The following MEGF8 variants were observed in gnomAD, a reference collection of about 807,000 sequenced individuals.
MEGF8 encodes the protein multiple EGF like domains 8.
Under a neutral mutation model 302.9 loss-of-function variants are expected in MEGF8, and 156 were observed. That is an observed-to-expected ratio of 0.52 (90% CI 0.45 to 0.59). The LOEUF is 0.59. MEGF8 is among the 20% of genes least tolerant of loss of function. MEGF8 has a pLI of 0.00. For synonymous variants in MEGF8, 1,621 were observed against 1,660.5 expected (o/e 0.98, Z 0.58); for missense variants, 3,345 against 3,964.5 (o/e 0.84, Z 4.20).
chr19:42,358,186 CCCT>C lies in MEGF8; in HGVS notation c.5056_5058del (p.Leu1686del). 1 of 1,601,902 alleles carries C rather than the reference CCCT, an allele frequency of 6.2e-7. No homozygotes were observed. Among genetic ancestry groups the C allele is most frequent in the Non-Finnish European group, 8.5e-7 (1 of 1,174,764 alleles). On this transcript the variant is annotated inframe_deletion, in exon 29 of 42. Transcript: ENST00000251268. The surrounding 1 kb of genome is among the most constrained non-coding windows in gnomAD (Gnocchi z 4.4). ...GCTGTCTACCACGAGGCCACCGACT[CCCT>C]CTACGTGTTTGGGGGGTTCCGATTC...
At chr19:42,327,881 A>G (rs1294291138) in intron 1 of MEGF8, among the ~76,000 whole-genome samples, 2 of 152,176 alleles carry the variant, frequency 1.3e-5, no homozygotes, top group Non-Finnish European at 2.9e-5. Flanking sequence ...GATCGCCTGA[A>G]GTCAGGAGTT....
At chr19:42,367,290 CT>C (rs535905629) in intron 35 of MEGF8, among the ~76,000 whole-genome samples, 1,917 of 140,094 alleles carry the variant, frequency 0.014, 28 homozygotes, top group African/African-American at 0.04. Context: ...TTCTTTCTTT[CT>C]TTTTTTTTTT....
rs139192223 is a variant in MEGF8, at chr19:42,375,804, A to G, written c.7567A>G (p.Thr2523Ala). 1,527 of 1,612,540 alleles carry G rather than the reference A, an allele frequency of 9.5e-4. 2 individuals carry two copies. Among genetic ancestry groups the G allele is most frequent in the Middle Eastern group, 2.8e-3 (17 of 6,044 alleles). ...VRVAPDTGVH[T>A]VHIQPPPAPP... is the part of the protein sequence containing the mutation. ...TGTGGCCCCTGACACTGGCGTCCAT[A>G]CTGTACACATCCAGCCACCCCCAGC... Residue 2523 changes from threonine (T) to alanine (A), a missense_variant, in exon 42 of 42, where the codon ACT (threonine) becomes GCT (alanine). Thr to Ala is a moderately conservative substitution (Grantham distance 58). Coordinates refer to ENST00000251268, the MANE Select transcript of MEGF8 (RefSeq NM_001271938.2). The surrounding 1 kb of genome is among the most constrained non-coding windows in gnomAD (Gnocchi z 7.1).
chr19:42,349,778 A>G (rs1600043950), intron 14 of MEGF8, 79 bp downstream of exon 14: 3 of 1,439,214 alleles, frequency 2.1e-6, no homozygotes, highest in Non-Finnish European at 2.9e-6. Flanking sequence ...ACCCCAGGCC[A>G]CAAACTCTGA....
chr19:42,345,644 A>C (rs1482859008), intron 12 of MEGF8, among the ~76,000 whole-genome samples: 4 of 152,258 alleles, frequency 2.6e-5, no homozygotes. Context: ...TTTATGGTTG[A>C]GTAATATTCC....
chr19:42,359,154 T>TG lies in MEGF8; in HGVS notation c.5406dup (p.Arg1803AlafsTer5), dbSNP rs1189706664. The stretch of plus-strand genomic sequence containing the variant: ...TGTTAGGGGACACCATGGTGGTTCT[T>TG]GGGGGGCGCTCGGACCCTGACGAGT... On this transcript the variant is annotated frameshift_variant, in exon 31 of 42. Coordinates refer to ENST00000251268, the MANE Select transcript of MEGF8 (RefSeq NM_001271938.2). LOFTEE classifies it high-confidence loss of function. 1 of 1,597,626 alleles carries TG rather than the reference T, an allele frequency of 6.3e-7. No homozygotes were observed. Among genetic ancestry groups the TG allele is most frequent in the Admixed American group, 1.7e-5 (1 of 57,586 alleles).
Position 42,360,870 on chromosome 19 carries a change from G to A in MEGF8, c.5584G>A (p.Val1862Met), listed in dbSNP as rs772349120. ...RLYISGGFGGVALGRLLALTL... is the reference protein window; with the variant it reads ...RLYISGGFGGMALGRLLALTL... ...GTATATCTCTGGGGGTTTCGGGGGA[G>A]TGGCCCTGGGCCGCCTGCTGGCACT... is the stretch of plus-strand genomic sequence containing the variant. Residue 1862 changes from valine (V) to methionine (M), a missense_variant, in exon 32 of 42, where the codon GTG (valine) becomes ATG (methionine). Coordinates refer to ENST00000251268, the MANE Select transcript of MEGF8 (RefSeq NM_001271938.2). 39 of 1,613,428 alleles carry A rather than the reference G, an allele frequency of 2.4e-5. No individual in the cohort carries two copies. In the Admixed American group the frequency reaches 6.5e-4, roughly 27 times the overall value.
intron 1 of MEGF8, among the ~76,000 whole-genome samples, chr19:42,329,636 A>G (rs891145721): frequency 6.6e-6 from 1 of 152,174 alleles, no homozygotes; most frequent in African/African-American, 2.4e-5. Context: ...CTGAGATGCA[A>G]GGATTACTCG....
intron 15 of MEGF8, among the ~76,000 whole-genome samples, chr19:42,350,737 C>T (rs1461986910): frequency 6.6e-6 from 1 of 152,294 alleles, no homozygotes; most frequent in African/African-American, 2.4e-5. Flanking sequence ...GGGTTTGTTT[C>T]CTTGTGAGTG....
In MEGF8 at chr19:42,358,767, G is replaced by A. The variant is rs1359175741; in HGVS notation, c.5176-20G>A. ...GAGACTCGAGGAGCCTCAACCCCAG[G>A]ACGCCCCCACTGTCACTAGCGAGAT... On this transcript the variant is annotated intron_variant, in intron 29 of 41. Coordinates refer to ENST00000251268, the MANE Select transcript of MEGF8 (RefSeq NM_001271938.2). This position sits in a 1 kb window ranked among gnomAD's most constrained non-coding sequence, Gnocchi z 4.4. The A allele has an allele frequency of 1.3e-6, 2 of 1,504,694 alleles. No homozygotes were observed. The highest frequency in any genetic ancestry group is 2.3e-5 in the East Asian group (1 of 42,770). 93.2% of individuals were successfully genotyped at this position (1,504,694 alleles called of 1,614,324 possible).
chr19:42,344,002 C>G lies in MEGF8; in HGVS notation c.1717C>G (p.Arg573Gly). 6.2e-7 allele frequency: 1 copy of G among 1,613,778 alleles called. No individual in the cohort carries two copies. Among genetic ancestry groups the G allele is most frequent in the Non-Finnish European group, 8.5e-7 (1 of 1,179,780 alleles). ...SMYTDHSVCS[R>G]DPECSWCQGA... ...GTACACAGACCACAGCGTCTGCTCC[C>G]GGGACCCGGAATGCAGTTGGTGCCA... Residue 573 changes from arginine (R) to glycine (G), a missense_variant, in exon 10 of 42, where the codon CGG becomes GGG. Coordinates refer to ENST00000251268, the MANE Select transcript of MEGF8 (RefSeq NM_001271938.2). This position sits in a 1 kb window ranked among gnomAD's most constrained non-coding sequence, Gnocchi z 4.5.
chr19:42,351,416 C>T lies in MEGF8; in HGVS notation c.2856-13C>T. On this transcript the variant is annotated splice_polypyrimidine_tract_variant and intron_variant, in intron 16 of 41. Transcript: ENST00000251268. The surrounding 1 kb of genome is among the most constrained non-coding windows in gnomAD (Gnocchi z 5.6). ...GGCTGTGGAGTGACCTGGCCCCCTG[C>T]TCCCCACCCCAGGCGACTGACCTGT... 6.3e-7 allele frequency: 1 copy of T among 1,588,138 alleles called. No individual in the cohort carries two copies. Among genetic ancestry groups the T allele is most frequent in the Non-Finnish European group, 8.6e-7 (1 of 1,167,746 alleles).
rs778395341 is a variant in MEGF8 at position 42,352,896 on chromosome 19, G to T, written c.3351-32G>T. 12 of 1,517,944 alleles carry T rather than the reference G, an allele frequency of 7.9e-6. No individual in the cohort carries two copies. The highest frequency in any genetic ancestry group is 1.1e-5 in the Non-Finnish European group (12 of 1,115,164). 94.0% of individuals were successfully genotyped at this position (1,517,944 alleles called of 1,614,324 possible). ...GCTTTAGGGGCTCTGGGCCTGCCTG[G>T]CGCTTTCCCCACCCCCAACACGGCC... On this transcript the variant is annotated intron_variant, in intron 19 of 41. Transcript: ENST00000251268. The surrounding 1 kb of genome is among the most constrained non-coding windows in gnomAD (Gnocchi z 4.4).
At chr19:42,366,501 G>A (rs1466735705) in intron 35 of MEGF8, among the ~76,000 whole-genome samples, 3 of 152,152 alleles carry the variant, frequency 2.0e-5, no homozygotes, top group East Asian at 3.9e-4. Context: ...GCCTGGCCCA[G>A]CATTGTTCTT....
intron 1 of MEGF8, among the ~76,000 whole-genome samples, chr19:42,330,650 G>A (rs1038441906): frequency 1.7e-4 from 26 of 152,172 alleles, no homozygotes; most frequent in Admixed American, 1.2e-3. Flanking sequence ...TGCCAAGCCC[G>A]GGTCTGGGCA....
chr19:42,347,030 A>G (rs1033664733), intron 12 of MEGF8, among the ~76,000 whole-genome samples: 4 of 150,746 alleles, frequency 2.7e-5, no homozygotes, highest in South Asian at 2.1e-4. Context: ...AAAAAAAGTC[A>G]CTAAATGGAC....
rs201674841 is a variant in MEGF8 at position 42,344,817 on chromosome 19, C to A, written c.2081C>A (p.Thr694Asn). Residue 694 changes from threonine (T) to asparagine (N), a missense_variant, in exon 12 of 42, where the codon ACC becomes AAC. By Grantham distance (65) the Thr-to-Asn change is moderately conservative. Transcript: ENST00000251268. The surrounding 1 kb of genome is among the most constrained non-coding windows in gnomAD (Gnocchi z 4.5). Reference sequence around the variant, plus strand: ...CTCACCTTTCAGCAGCCGCCCAATACCTCCCAGCCTGACAAGGTGGGTAGG... The same window carrying A: ...CTCACCTTTCAGCAGCCGCCCAATAACTCCCAGCCTGACAAGGTGGGTAGG... ...HLLTFQQPPN[T>N]SQPDKVSIVR... is the part of the protein sequence containing the mutation. 1 of 1,581,080 alleles carries A rather than the reference C, an allele frequency of 6.3e-7. No homozygotes were observed. Among genetic ancestry groups the A allele is most frequent in the South Asian group, 1.2e-5 (1 of 86,446 alleles).
rs146636422 is a variant in MEGF8 at position 42,336,404 on chromosome 19, G to A, written c.1244+58G>A. The A allele has an allele frequency of 2.7e-5, 41 of 1,492,146 alleles. No homozygotes were observed. The African/African-American group carries it at 4.4e-4, about 16-fold the overall frequency. 92.4% of individuals were successfully genotyped at this position (1,492,146 alleles called of 1,614,324 possible). On this transcript the variant is annotated intron_variant, in intron 6 of 41. Coordinates refer to ENST00000251268, the MANE Select transcript of MEGF8 (RefSeq NM_001271938.2). The surrounding 1 kb of genome is among the most constrained non-coding windows in gnomAD (Gnocchi z 4.8). ...AGGCCAGGCCCAGCTCAACACCATAGGCCTTTAGTCTTTAGAGGTCTTTGC... is the reference window on the plus strand; with the variant it reads ...AGGCCAGGCCCAGCTCAACACCATAAGCCTTTAGTCTTTAGAGGTCTTTGC...
chr19:42,342,694 T>G (rs1412524778), intron 8 of MEGF8, among the ~76,000 whole-genome samples: 1 of 152,032 alleles, frequency 6.6e-6, no homozygotes, highest in Non-Finnish European at 1.5e-5. Context: ...GGGGCTGTCT[T>G]CAGGCTGGGC....
Sources: allele counts gnomAD v4.1 joint callset (sites outside exome capture counted in the v4.1 genomes callset), GRCh38; gene constraint gnomAD v4.1.1; non-coding constraint Gnocchi (gnomAD v3.1); transcripts MANE v1.5; gene names NCBI Gene and HGNC (gene_info 2026-07-23, HGNC 2026-07-21).